ZNF451: variants seen among roughly 807,000 people sequenced by gnomAD.
ZNF451 encodes the protein E3 SUMO-protein ligase ZNF451.
In ZNF451, 80 loss-of-function variants were observed where a neutral mutation model predicts 107.1. The observed-to-expected ratio is 0.75, with a 90% confidence interval of 0.62 to 0.90. ZNF451 has a LOEUF of 0.90. Ranked by LOEUF, ZNF451 falls within the 40% of genes least tolerant of loss-of-function variation. The pLI, the probability that ZNF451 is intolerant of heterozygous loss-of-function variation, is 0.00. For synonymous variants in ZNF451, 362 were observed against 406.5 expected (o/e 0.89, Z 1.32); for missense variants, 1,107 against 1,236.2 (o/e 0.90, Z 1.57).
intron 3 of ZNF451, among the ~76,000 whole-genome samples, chr6:57,109,954 T>C (rs1284189680): frequency 6.6e-6 from 1 of 152,248 alleles, no homozygotes; most frequent in Non-Finnish European, 1.5e-5. Flanking sequence ...TAAGAGATGG[T>C]ATATTCTCCA....
intron 14 of ZNF451, among the ~76,000 whole-genome samples, chr6:57,164,104 C>T (rs1159365910): frequency 6.6e-6 from 1 of 152,166 alleles, no homozygotes. Context: ...TCCTCATAGA[C>T]CAATATCAAA....
intron 13 of ZNF451, among the ~76,000 whole-genome samples, chr6:57,155,889 A>G (rs1314150070): frequency 1.4e-5 from 2 of 146,508 alleles, no homozygotes; most frequent in African/African-American, 2.5e-5. Context: ...CTGGAGGCAC[A>G]TGTGTACTTT....
At position 57,148,505 on chromosome 6, in the gene ZNF451, A is replaced by G. The variant is rs767785912; in HGVS notation, c.2420A>G (p.His807Arg). ...CATGATCCTGAGAGTGCACAGCAGCATTTCCATAGAAAACATTGCTTCTTA... is the reference window on the plus strand; with the variant it reads ...CATGATCCTGAGAGTGCACAGCAGCGTTTCCATAGAAAACATTGCTTCTTA... ...AFHDPESAQQHFHRKHCFLQK... is the reference protein window; with the variant it reads ...AFHDPESAQQRFHRKHCFLQK... The change falls in exon 10 of 15, where the codon CAT (histidine) becomes CGT (arginine). Residue 807 changes from histidine to arginine, a missense_variant. Transcript: ENST00000370706. The G allele has an allele frequency of 6.2e-7, 1 of 1,614,132 alleles. No homozygotes were observed. The highest frequency in any genetic ancestry group is 8.5e-7 in the Non-Finnish European group (1 of 1,179,986).
chr6:57,144,036 G>A (rs1831925735), intron 9 of ZNF451, among the ~76,000 whole-genome samples: 1 of 152,100 alleles, frequency 6.6e-6, no homozygotes, highest in African/African-American at 2.4e-5. Flanking sequence ...TTAGGGTTCA[G>A]TGGTTGCTTG....
intron 3 of ZNF451, among the ~76,000 whole-genome samples, chr6:57,110,912 T>G (rs1830074426): frequency 6.6e-6 from 1 of 151,962 alleles, no homozygotes; most frequent in South Asian, 2.1e-4. Context: ...TCTTTTTTTT[T>G]TTTTTCCTTC....
intron 3 of ZNF451, chr6:57,102,058 A>G: frequency 6.5e-7 from 1 of 1,531,948 alleles, no homozygotes; most frequent in Non-Finnish European, 8.8e-7. Context: ...ATATAGAAAG[A>G]AGGGAGACTC....
chr6:57,128,636 A>T, intron 4 of ZNF451, 93 bp from the exon 5 acceptor site: 1 of 746,796 alleles, frequency 1.3e-6, no homozygotes, highest in Non-Finnish European at 2.2e-6. Flanking sequence ...GATAAAAAGT[A>T]ATCAGTATTT....
At chr6:57,151,086 G>A (rs1390327315) in intron 11 of ZNF451, 1 of 455,144 alleles carries the variant, frequency 2.2e-6, no homozygotes. Context: ...TTTTGGCCGG[G>A]CGCGGTGGCT....
At chr6:57,128,613 G>A in intron 4 of ZNF451, 116 bp from the exon 5 acceptor site, 4 of 647,328 alleles carry the variant, frequency 6.2e-6, no homozygotes, top group Non-Finnish European at 1.1e-5. Context: ...ATTTCTAGAT[G>A]TGGAGTTCTG....
chr6:57,090,192 G>A lies in ZNF451; in HGVS notation c.-62G>A. On this transcript the variant is annotated 5_prime_UTR_variant, in exon 1 of 15. In the 5' UTR this introduces an upstream ATG that the reference lacks. Transcript: ENST00000370706. ...GCGGTGCAGGGCGGGAAGGGGATTC[G>A]TGGCGACGGCGGCGGCAGGGACAGC... The A allele has an allele frequency of 1.3e-6, 2 of 1,572,738 alleles. No homozygotes were observed. The highest frequency in any genetic ancestry group is 1.7e-6 in the Non-Finnish European group (2 of 1,158,704).
intron 2 of ZNF451, chr6:57,092,940 A>T (rs1829119109): frequency 6.6e-6 from 1 of 152,220 alleles, no homozygotes; most frequent in South Asian, 2.1e-4. Context: ...ATAAAAGTGC[A>T]CAATTCATAA....
chr6:57,139,118 T>G (rs574384424), intron 7 of ZNF451, among the ~76,000 whole-genome samples: 15 of 152,106 alleles, frequency 9.9e-5, no homozygotes, highest in Non-Finnish European at 2.1e-4. Context: ...CTCTTATCAT[T>G]TAGAATCTTC....
chr6:57,099,446 C>T (rs376064866), intron 3 of ZNF451: 2 of 716,390 alleles, frequency 2.8e-6, no homozygotes, highest in Non-Finnish European at 5.2e-6. Flanking sequence ...TCTTTCCCTT[C>T]TCTTTTCCTT....
At position 57,096,767 on chromosome 6, in the gene ZNF451, C is replaced by CTT. The variant is rs772840052; in HGVS notation, c.106-2269_106-2268dup. On this transcript the variant is annotated intron_variant, in intron 2 of 14. Transcript: ENST00000370706. ...TTGGATCGAACATACAATTTTCAGT[C>CTT]TTTTTTTTTTTTTTTTTTTTTTTTT... 9.7e-3 allele frequency among the ~76,000 whole-genome samples: 777 copies of CTT among 79,956 alleles called. 141 individuals carry two copies. The highest frequency in any genetic ancestry group is 0.014 in the Non-Finnish European group (572 of 39,632). 52.5% of individuals were successfully genotyped at this position (79,956 alleles called of 152,430 possible).
chr6:57,128,831 A>C lies in ZNF451; in HGVS notation c.415A>C (p.Lys139Gln), dbSNP rs765977771. 2 of 1,608,186 alleles carry C rather than the reference A, an allele frequency of 1.2e-6. No individual in the cohort carries two copies. Among genetic ancestry groups the C allele is most frequent in the South Asian group, 2.2e-5 (2 of 89,706 alleles). The change falls in exon 5 of 15, where the codon AAA (lysine) becomes CAA (glutamine). Residue 139 changes from lysine to glutamine, a missense_variant. By Grantham distance (53) the Lys-to-Gln change is moderately conservative. This residue lies in a region of ZNF451 where 339 missense variants were observed against 372.8 expected (regional missense o/e 0.91). Coordinates refer to ENST00000370706, the MANE Select transcript of ZNF451 (RefSeq NM_001031623.3). Reference protein sequence around the residue: ...AARLCVDQWLKMPGLKTGTIN... With the variant: ...AARLCVDQWLQMPGLKTGTIN... ...AAGACTGTGTGTGGACCAGTGGCTAAAAATGCCAGGTATTCTTTAGAAATT... is the reference window on the plus strand; with the variant it reads ...AAGACTGTGTGTGGACCAGTGGCTACAAATGCCAGGTATTCTTTAGAAATT...
chr6:57,161,267 C>T, intron 14 of ZNF451, 115 bp downstream of exon 14: 1 of 555,712 alleles, frequency 1.8e-6, no homozygotes, highest in Middle Eastern at 2.8e-4. Context: ...CAAGTTAAAA[C>T]ATTTTCTCAG....
At chr6:57,144,879 A>G (rs1831983081) in intron 9 of ZNF451, among the ~76,000 whole-genome samples, 1 of 152,266 alleles carries the variant, frequency 6.6e-6, no homozygotes, top group Admixed American at 6.5e-5. Flanking sequence ...CAGTGATCCA[A>G]GATTGTGCCA....
intron 3 of ZNF451, among the ~76,000 whole-genome samples, chr6:57,123,991 A>AT (rs1830775929): frequency 6.6e-6 from 1 of 152,100 alleles, no homozygotes; most frequent in Admixed American, 6.6e-5. Context: ...TGTATCTTTT[A>AT]TTTCTTTTTC....
intron 6 of ZNF451, 39 bp from the exon 7 acceptor site, chr6:57,134,705 A>T (rs780163064): frequency 1.9e-6 from 3 of 1,590,150 alleles, no homozygotes; most frequent in Admixed American, 1.8e-5. Context: ...TAGAATGTAG[A>T]TTTATCTAAT....
Sources: gnomAD v4.1 joint callset for allele counts (sites outside exome capture counted in the v4.1 genomes callset) on GRCh38, gnomAD v4.1.1 for gene constraint, gnomAD v4.1.1 regional missense constraint, MANE v1.5 for transcripts, NCBI Gene and HGNC (gene_info 2026-07-23, HGNC 2026-07-21) for gene names.